Variants in LRP1B observed in about 807,000 individuals in gnomAD.
LRP1B encodes the protein LDL receptor related protein 1B, also known as low-density lipoprotein receptor-related protein 1B.
Under a neutral mutation model 556.6 loss-of-function variants are expected in LRP1B, and 217 were observed. The observed-to-expected ratio is 0.39, with a 90% confidence interval of 0.35 to 0.44. LRP1B has a LOEUF of 0.44. LRP1B is among the 20% of genes least tolerant of loss of function. LRP1B has a pLI of 1.00. For synonymous variants in LRP1B, 2,047 were observed against 1,865.8 expected (o/e 1.10, Z -2.50); for missense variants, 5,053 against 5,620.8 (o/e 0.90, Z 3.23).
intron 53 of LRP1B, among the ~76,000 whole-genome samples, chr2:140,503,307 T>A (rs530123678): frequency 6.6e-6 from 1 of 152,060 alleles, no homozygotes; most frequent in Non-Finnish European, 1.5e-5. Flanking sequence ...AAAACTCAAG[T>A]TGGAAACTAA....
At chr2:140,451,900 T>A (rs537243745) in intron 62 of LRP1B, among the ~76,000 whole-genome samples, 2 of 152,258 alleles carry the variant, frequency 1.3e-5, no homozygotes, top group African/African-American at 4.8e-5. Flanking sequence ...TGTTGTATTA[T>A]CCTTTCCACT....
intron 35 of LRP1B, among the ~76,000 whole-genome samples, chr2:140,722,935 C>T (rs913568007): frequency 4.6e-5 from 7 of 151,896 alleles, no homozygotes; most frequent in Admixed American, 2.0e-4. Context: ...CCCAGCTACT[C>T]GGGAGGCTGA....
chr2:140,990,824 A>G (rs940029672), intron 16 of LRP1B, among the ~76,000 whole-genome samples: 1 of 151,998 alleles, frequency 6.6e-6, no homozygotes, highest in Non-Finnish European at 1.5e-5. Context: ...TTTAAGGGTA[A>G]TTTTCTTTAT....
chr2:141,117,479 G>A (rs1700935046), intron 7 of LRP1B, among the ~76,000 whole-genome samples: 1 of 151,742 alleles, frequency 6.6e-6, no homozygotes, highest in Admixed American at 6.6e-5. Flanking sequence ...TGAAAAATAA[G>A]AAAGCAATTA....
chr2:141,327,061 G>A (rs1687456571), intron 3 of LRP1B, among the ~76,000 whole-genome samples: 1 of 152,046 alleles, frequency 6.6e-6, no homozygotes, highest in Non-Finnish European at 1.5e-5. Flanking sequence ...AATTCACAGG[G>A]CTTAGTGACT....
At chr2:141,645,111 T>C (rs1009087338) in intron 2 of LRP1B, among the ~76,000 whole-genome samples, 2 of 152,044 alleles carry the variant, frequency 1.3e-5, no homozygotes, top group Admixed American at 6.6e-5. Context: ...TATATTAGGG[T>C]AGGAGTATTG....
intron 7 of LRP1B, among the ~76,000 whole-genome samples, chr2:141,145,446 A>T (rs577084652): frequency 6.6e-6 from 1 of 152,256 alleles, no homozygotes; most frequent in African/African-American, 2.4e-5. Flanking sequence ...AAAGACACAT[A>T]AAGCTCTGTG....
At chr2:140,405,799 CTA>C (rs1280676607) in intron 66 of LRP1B, among the ~76,000 whole-genome samples, 16 of 152,100 alleles carry the variant, frequency 1.1e-4, no homozygotes, top group Non-Finnish European at 2.2e-4. Flanking sequence ...TCCTATGAAA[CTA>C]CACCAAAATA....
In LRP1B at chr2:140,385,899, T is replaced by C. The variant is rs776008116; in HGVS notation, c.10525A>G (p.Asn3509Asp). ...NDCSDNSDEE[N>D]CKPQTCTLKD... ...TTAGGCAAGAGTTACTTACTACAGT[T>C]TTCTTCATCTGAATTATCACTGCAG... Residue 3509 changes from asparagine (N) to aspartate (D), a missense_variant, in exon 67 of 91, where the codon AAC (asparagine) becomes GAC (aspartate). Physicochemically the swap from Asn to Asp is conservative, Grantham distance 23. Coordinates refer to ENST00000389484, the MANE Select transcript of LRP1B (RefSeq NM_018557.3). 3.7e-6 allele frequency: 6 copies of C among 1,602,920 alleles called. No individual in the cohort carries two copies. The highest frequency in any genetic ancestry group is 1.1e-5 in the South Asian group (1 of 90,842).
At chr2:141,520,186 G>T (rs536778038) in intron 2 of LRP1B, among the ~76,000 whole-genome samples, 8 of 152,208 alleles carry the variant, frequency 5.3e-5, no homozygotes, top group African/African-American at 1.9e-4. Flanking sequence ...TGGTAACATA[G>T]TAATTCCTAA....
chr2:141,560,926 A>AT (rs1009104520), intron 2 of LRP1B, among the ~76,000 whole-genome samples: 2 of 151,630 alleles, frequency 1.3e-5, no homozygotes, highest in African/African-American at 4.8e-5. Context: ...AACATGCAAG[A>AT]TTCCTATTTA....
At chr2:141,791,694 T>C (rs1487354119) in intron 2 of LRP1B, among the ~76,000 whole-genome samples, 1 of 152,016 alleles carries the variant, frequency 6.6e-6, no homozygotes, top group Admixed American at 6.6e-5. Flanking sequence ...TAGTGTGGAA[T>C]GAGAACCAAT....
At chr2:142,118,435 C>T (rs1282856635) in intron 1 of LRP1B, among the ~76,000 whole-genome samples, 2 of 152,144 alleles carry the variant, frequency 1.3e-5, no homozygotes, top group East Asian at 3.9e-4. Flanking sequence ...GCTTTGGTTA[C>T]TTCCCTTGGC....
Position 141,480,436 on chromosome 2 carries a change from C to G in LRP1B, c.303G>C (p.Leu101Phe), listed in dbSNP as rs756347115. 4 of 1,613,844 alleles carry G rather than the reference C, an allele frequency of 2.5e-6. No homozygotes were observed. Among genetic ancestry groups the G allele is most frequent in the Non-Finnish European group, 3.4e-6 (4 of 1,179,946 alleles). Reference sequence around the variant, plus strand: ...CTTCGTCATACCCATCTGGGCAGTCCAAGACACCATTGCACAGCTGGGATA... The same window carrying G: ...CTTCGTCATACCCATCTGGGCAGTCGAAGACACCATTGCACAGCTGGGATA... Reference protein sequence around the residue: ...VHLSQLCNGVLDCPDGYDEGV... With the variant: ...VHLSQLCNGVFDCPDGYDEGV... Residue 101 changes from leucine to phenylalanine, a missense_variant, in exon 3 of 91, where the codon TTG (leucine) becomes TTC (phenylalanine). This residue lies in a region of LRP1B where 3,619 missense variants were observed against 3,931.9 expected (regional missense o/e 0.92). Coordinates refer to ENST00000389484, the MANE Select transcript of LRP1B (RefSeq NM_018557.3).
intron 2 of LRP1B, among the ~76,000 whole-genome samples, chr2:141,493,867 G>A (rs926317139): frequency 6.6e-6 from 1 of 152,170 alleles, no homozygotes; most frequent in South Asian, 2.1e-4. Context: ...CTTGATGACA[G>A]AATACTTATT....
chr2:140,767,522 G>A (rs1239807316), intron 35 of LRP1B, among the ~76,000 whole-genome samples: 1 of 151,862 alleles, frequency 6.6e-6, no homozygotes, highest in African/African-American at 2.4e-5. Context: ...CAGGGCCAAT[G>A]TAAACTTTGG....
chr2:140,584,875 C>CCTTTT (rs147636241), intron 43 of LRP1B, among the ~76,000 whole-genome samples: 26,863 of 151,474 alleles, frequency 0.18, 2,652 homozygotes, highest in African/African-American at 0.26. Context: ...TTGATTTTGG[C>CCTTTT]CTTTTCTTTT....
intron 30 of LRP1B, among the ~76,000 whole-genome samples, chr2:140,840,612 T>C (rs1485032818): frequency 2.6e-5 from 4 of 152,212 alleles, no homozygotes; most frequent in African/African-American, 7.2e-5. Context: ...TTTTAACCAC[T>C]GGCTTTCAAA....
At chr2:140,676,052 A>T (rs1685661293) in intron 41 of LRP1B, among the ~76,000 whole-genome samples, 1 of 152,232 alleles carries the variant, frequency 6.6e-6, no homozygotes, top group African/African-American at 2.4e-5. Context: ...CAATAAATTT[A>T]AAAGGCTTTT....
Sources: gnomAD v4.1 joint callset for allele counts (sites outside exome capture counted in the v4.1 genomes callset) on GRCh38, gnomAD v4.1.1 for gene constraint, gnomAD v4.1.1 regional missense constraint, MANE v1.5 for transcripts, NCBI Gene and HGNC (gene_info 2026-07-23, HGNC 2026-07-21) for gene names.